Variants in FAM78B observed in about 807,000 individuals in gnomAD.
The protein encoded by FAM78B is protein FAM78B.
A neutral mutation model predicts 20.0 loss-of-function variants in FAM78B; 10 were observed. The ratio of observed to expected loss-of-function variants is 0.50; its 90% CI spans 0.31 to 0.85. The LOEUF (loss-of-function observed/expected upper bound fraction) is 0.85, where lower values mean the gene tolerates loss of function less well. Ranked by LOEUF, FAM78B falls within the 40% of genes least tolerant of loss-of-function variation. FAM78B has a pLI of 0.05. For synonymous variants in FAM78B, 135 were observed against 132.8 expected (o/e 1.02, Z -0.12); for missense variants, 283 against 345.0 (o/e 0.82, Z 1.42).
chr1:166,152,655 G>GATTGATTGATTTATTT (rs369101683), intron 1 of FAM78B, among the ~76,000 whole-genome samples: 69 of 140,586 alleles, frequency 4.9e-4, no homozygotes, highest in African/African-American at 1.9e-3. Flanking sequence ...TGGTACTCTG[G>GATTGATTGATTTATTT]ATTTATTTAT....
At chr1:166,148,446 T>C (rs1655553822) in intron 1 of FAM78B, among the ~76,000 whole-genome samples, 1 of 152,230 alleles carries the variant, frequency 6.6e-6, no homozygotes, top group South Asian at 2.1e-4. Flanking sequence ...CACTGAAAGT[T>C]TGGGCAACTT....
intron 1 of FAM78B, among the ~76,000 whole-genome samples, chr1:166,101,564 C>T (rs1029241097): frequency 2.6e-5 from 4 of 152,142 alleles, no homozygotes; most frequent in South Asian, 4.1e-4. Flanking sequence ...GTGACGAATG[C>T]GCAAGCTTCA....
At chr1:166,104,821 C>G (rs1653699963) in intron 1 of FAM78B, among the ~76,000 whole-genome samples, 1 of 152,134 alleles carries the variant, frequency 6.6e-6, no homozygotes, top group Non-Finnish European at 1.5e-5. Flanking sequence ...ATCAAGCTAC[C>G]AATGACTTTC....
chr1:166,104,088 A>C (rs1653660680), intron 1 of FAM78B, among the ~76,000 whole-genome samples: 1 of 152,192 alleles, frequency 6.6e-6, no homozygotes, highest in African/African-American at 2.4e-5. Context: ...TATAAAGAGA[A>C]CCAACAACAA....
At chr1:166,138,633 T>C (rs1021746188) in intron 1 of FAM78B, among the ~76,000 whole-genome samples, 2 of 152,230 alleles carry the variant, frequency 1.3e-5, no homozygotes, top group African/African-American at 2.4e-5. Flanking sequence ...AAGCAGCCAC[T>C]GGAAGCAGAT....
chr1:166,155,489 C>T (rs146495150), intron 1 of FAM78B, among the ~76,000 whole-genome samples: 2 of 152,144 alleles, frequency 1.3e-5, no homozygotes, highest in African/African-American at 4.8e-5. Context: ...GTAAGTTGCT[C>T]ATGGTTTCAC....
At chr1:166,125,581 C>T (rs555116348) in intron 1 of FAM78B, among the ~76,000 whole-genome samples, 55 of 152,246 alleles carry the variant, frequency 3.6e-4, no homozygotes, top group African/African-American at 1.3e-3. Flanking sequence ...TTAACAAATA[C>T]AATTGTTCCT....
exon 3 of FAM78B, chr1:166,058,749 C>A (rs1257772939): frequency 6.6e-6 from 1 of 152,532 alleles, no homozygotes; most frequent in Non-Finnish European, 1.5e-5. Flanking sequence ...AGTGTGTGCA[C>A]ATGTACGTGT....
chr1:166,156,831 G>C (rs983587873), intron 1 of FAM78B, among the ~76,000 whole-genome samples: 1 of 151,938 alleles, frequency 6.6e-6, no homozygotes, highest in South Asian at 2.1e-4. Flanking sequence ...ACAAACTGTA[G>C]CTCCTTCCCC....
chr1:166,089,377 T>C (rs754191973), intron 1 of FAM78B, among the ~76,000 whole-genome samples: 11 of 152,076 alleles, frequency 7.2e-5, no homozygotes, highest in Admixed American at 2.0e-4. Flanking sequence ...TCCATCAGCG[T>C]GTATGAAGAG....
At chr1:166,067,838 T>C (rs1046062070), downstream of FAM78B, among the ~76,000 whole-genome samples, 12 of 152,216 alleles carry the variant, frequency 7.9e-5, no homozygotes, top group Admixed American at 5.2e-4. Flanking sequence ...TTTCATTTTG[T>C]CATTATACAA....
At chr1:166,056,127 T>C (rs1472275740), downstream of FAM78B, among the ~76,000 whole-genome samples, 1 of 152,168 alleles carries the variant, frequency 6.6e-6, no homozygotes, top group Non-Finnish European at 1.5e-5. Context: ...TAGACATATG[T>C]ATATTTAAAA....
chr1:166,164,804 A>C (rs1656296682), intron 1 of FAM78B: 1 of 152,208 alleles, frequency 6.6e-6, no homozygotes. Context: ...GGAGCTCTAG[A>C]GTTTTAGATT....
At chr1:166,121,181 G>A (rs1048030484) in intron 1 of FAM78B, among the ~76,000 whole-genome samples, 2 of 152,242 alleles carry the variant, frequency 1.3e-5, no homozygotes, top group Non-Finnish European at 2.9e-5. Flanking sequence ...ATGGTGGCAA[G>A]GGATGGAACA....
chr1:166,064,543 T>G, downstream of FAM78B, among the ~76,000 whole-genome samples: 1 of 151,960 alleles, frequency 6.6e-6, no homozygotes, highest in Admixed American at 6.6e-5. Flanking sequence ...CTTCCTGGAG[T>G]GCTATGCAAA....
At chr1:166,153,184 C>T (rs1378146279) in intron 1 of FAM78B, among the ~76,000 whole-genome samples, 1 of 152,218 alleles carries the variant, frequency 6.6e-6, no homozygotes, top group Non-Finnish European at 1.5e-5. Context: ...GTGAATGGTT[C>T]TGCTCCAAGG....
chr1:166,065,075 C>T (rs1158740170), downstream of FAM78B, among the ~76,000 whole-genome samples: 2 of 152,134 alleles, frequency 1.3e-5, no homozygotes, highest in Non-Finnish European at 2.9e-5. Context: ...CTCAGTGGAG[C>T]TTATTCTGTC....
At chr1:166,073,447 T>G (rs78206743) in intron 1 of FAM78B, among the ~76,000 whole-genome samples, 1 of 152,116 alleles carries the variant, frequency 6.6e-6, no homozygotes, top group Non-Finnish European at 1.5e-5. Flanking sequence ...TTTTCCTTTA[T>G]GAAAAATAGA....
intron 1 of FAM78B, among the ~76,000 whole-genome samples, chr1:166,151,207 A>G (rs1280089701): frequency 6.6e-6 from 1 of 152,222 alleles, no homozygotes; most frequent in Non-Finnish European, 1.5e-5. Flanking sequence ...AAATGTCTCA[A>G]TGAAGACAAT....
Sources: allele counts gnomAD v4.1 joint callset (sites outside exome capture counted in the v4.1 genomes callset), GRCh38; gene constraint gnomAD v4.1.1; transcripts MANE v1.5; gene names NCBI Gene and HGNC (gene_info 2026-07-23, HGNC 2026-07-21).